RORA: variants seen among roughly 807,000 people sequenced by gnomAD.
RORA encodes the protein RAR related orphan receptor A.
RORA carries 7 observed loss-of-function variants against 69.5 expected under a neutral mutation model. The ratio of observed to expected loss-of-function variants is 0.10; its 90% CI spans 0.06 to 0.19. The LOEUF (loss-of-function observed/expected upper bound fraction) is 0.19. Ranked by LOEUF, RORA falls within the 10% of genes least tolerant of loss-of-function variation. RORA has a pLI of 1.00. For synonymous variants in RORA, 261 were observed against 240.8 expected, an observed-to-expected ratio of 1.08 and a Z score of -0.78; for missense variants, 457 against 663.0, an observed-to-expected ratio of 0.69 and a Z score of 3.41.
At chr15:60,831,441 T>A (rs1234937020) in intron 1 of RORA, among the ~76,000 whole-genome samples, 1 of 152,040 alleles carries the variant, frequency 6.6e-6, no homozygotes, top group Admixed American at 6.6e-5. Flanking sequence ...ACAACAGACA[T>A]CTCTCCTAGA....
chr15:60,550,258 C>T (rs148107568), intron 2 of RORA, among the ~76,000 whole-genome samples: 1 of 152,284 alleles, frequency 6.6e-6, no homozygotes, highest in South Asian at 2.1e-4. Flanking sequence ...CCATTGCACT[C>T]CAGCCTGGGC....
At chr15:60,591,164 A>G (rs1029298431) in intron 2 of RORA, among the ~76,000 whole-genome samples, 1 of 152,200 alleles carries the variant, frequency 6.6e-6, no homozygotes, top group African/African-American at 2.4e-5. Context: ...GGGTCTGCAC[A>G]ATTGCTGCGC....
chr15:60,840,183 A>G (rs1236748939), intron 1 of RORA, among the ~76,000 whole-genome samples: 8 of 152,146 alleles, frequency 5.3e-5, no homozygotes, highest in African/African-American at 1.9e-4. Flanking sequence ...CTGCCTTAGT[A>G]TGAGAACTAG....
chr15:60,668,010 A>G (rs1435778857), intron 2 of RORA, among the ~76,000 whole-genome samples: 3 of 151,994 alleles, frequency 2.0e-5, no homozygotes, highest in Non-Finnish European at 4.4e-5. Flanking sequence ...GTTTATAGAT[A>G]GAAGAAATCT....
At chr15:61,175,161 C>G (rs180718238) in intron 1 of RORA, among the ~76,000 whole-genome samples, 2 of 152,166 alleles carry the variant, frequency 1.3e-5, no homozygotes, top group East Asian at 3.8e-4. Context: ...TTCACTCTGT[C>G]TAGAGCACAG....
chr15:60,873,884 G>C (rs556883588), intron 1 of RORA, among the ~76,000 whole-genome samples: 2 of 152,138 alleles, frequency 1.3e-5, no homozygotes, highest in African/African-American at 2.4e-5. Flanking sequence ...CTTTCACATA[G>C]TAATTCACAA....
intron 2 of RORA, among the ~76,000 whole-genome samples, chr15:60,586,605 G>A (rs76263497): frequency 0.1 from 15,250 of 152,156 alleles, 1,099 homozygotes; most frequent in Non-Finnish European, 0.15. Context: ...ACAAAGGAGA[G>A]AGTTATGCTT....
At chr15:60,992,333 TTAAGAAA>T (rs1199228020) in intron 1 of RORA, among the ~76,000 whole-genome samples, 2 of 152,176 alleles carry the variant, frequency 1.3e-5, no homozygotes, top group African/African-American at 4.8e-5. Flanking sequence ...ACCTAAGATT[TTAAGAAA>T]CACTGGCACT....
At chr15:60,592,713 A>AGCG in intron 2 of RORA, 1 of 1,052,902 alleles carries the variant, frequency 9.5e-7, no homozygotes, top group Non-Finnish European at 1.1e-6. Context: ...GGTGAGTAGC[A>AGCG]GCGGCGGCTC....
At chr15:60,857,771 C>T (rs572569243) in intron 1 of RORA, among the ~76,000 whole-genome samples, 2 of 152,238 alleles carry the variant, frequency 1.3e-5, no homozygotes, top group South Asian at 2.1e-4. Context: ...TGATTAGTAC[C>T]GAAGAGAAGC....
At chr15:61,130,488 T>C (rs1466597321) in intron 1 of RORA, among the ~76,000 whole-genome samples, 1 of 152,192 alleles carries the variant, frequency 6.6e-6, no homozygotes, top group Admixed American at 6.5e-5. Context: ...CCTTTCGCAG[T>C]GTGAGATGTT....
At chr15:61,030,621 C>T (rs980456482) in intron 1 of RORA, among the ~76,000 whole-genome samples, 7 of 152,026 alleles carry the variant, frequency 4.6e-5, no homozygotes, top group Admixed American at 6.6e-5. Context: ...GAAAATGAGT[C>T]AATCAGAGAA....
intron 1 of RORA, among the ~76,000 whole-genome samples, chr15:60,807,478 A>C (rs576093760): frequency 6.6e-6 from 1 of 152,354 alleles, no homozygotes; most frequent in East Asian, 1.9e-4. Flanking sequence ...TAGAATCGAC[A>C]TTGTGAAAAT....
chr15:61,080,158 G>A lies in RORA; in HGVS notation c.166+148895C>T, dbSNP rs150469010. 4.6e-5 allele frequency among the ~76,000 whole-genome samples: 7 copies of A among 152,202 alleles called. No individual in the cohort carries two copies. In the East Asian group the frequency reaches 9.7e-4, roughly 21 times the overall value. On this transcript the variant is annotated intron_variant, in intron 1 of 10. Transcript: ENST00000335670. ...CTCTCTTATTTATTCAGGGCTTCGC[G>A]CTCTTTTCCTTGGTTGCCAACTCCC...
At chr15:60,826,545 A>C (rs1257683207) in intron 1 of RORA, among the ~76,000 whole-genome samples, 1 of 152,194 alleles carries the variant, frequency 6.6e-6, no homozygotes, top group Non-Finnish European at 1.5e-5. Context: ...ACTTTTTTTA[A>C]GCACTTGATT....
intron 1 of RORA, among the ~76,000 whole-genome samples, chr15:60,712,117 C>T (rs2071152087): frequency 6.6e-6 from 1 of 152,102 alleles, no homozygotes; most frequent in Non-Finnish European, 1.5e-5. Context: ...TCAAATGGGA[C>T]TCATATCCTA....
At chr15:60,818,734 T>C (rs1301713161) in intron 1 of RORA, among the ~76,000 whole-genome samples, 1 of 152,246 alleles carries the variant, frequency 6.6e-6, no homozygotes, top group Non-Finnish European at 1.5e-5. Context: ...AGGATTTCTA[T>C]CTTTCATCAG....
chr15:60,787,647 G>A (rs1004043715), intron 1 of RORA, among the ~76,000 whole-genome samples: 3 of 152,220 alleles, frequency 2.0e-5, no homozygotes, highest in Non-Finnish European at 4.4e-5. Context: ...AGCTGAATAA[G>A]GCACCTTGAC....
At chr15:61,227,210 CAAA>C (rs35827262) in intron 1 of RORA, among the ~76,000 whole-genome samples, 2 of 124,086 alleles carry the variant, frequency 1.6e-5, no homozygotes, top group Non-Finnish European at 3.3e-5. Flanking sequence ...CCCCCCATTC[CAAA>C]AAAAAAAAAA....
Sources: allele counts gnomAD v4.1 joint callset (sites outside exome capture counted in the v4.1 genomes callset), GRCh38; gene constraint gnomAD v4.1.1; transcripts MANE v1.5; gene names NCBI Gene and HGNC (gene_info 2026-07-23, HGNC 2026-07-21).